The following GULP1 variants were observed in gnomAD, a reference collection of about 807,000 sequenced individuals.
The protein encoded by GULP1 is GULP PTB domain containing engulfment adaptor 1.
In GULP1, 19 loss-of-function variants were observed where a neutral mutation model predicts 40.9. The ratio of observed to expected loss-of-function variants is 0.46; its 90% CI spans 0.32 to 0.68. The LOEUF is 0.68. Among genes scored for constraint, GULP1 ranks in the 30% least tolerant of loss-of-function variants. The pLI is 0.03. For synonymous variants in GULP1, 119 were observed against 117.6 expected, an observed-to-expected ratio of 1.01 and a Z score of -0.08; for missense variants, 312 against 362.2, an observed-to-expected ratio of 0.86 and a Z score of 1.12.
At chr2:188,435,963 G>A (rs1485630493) in intron 2 of GULP1, among the ~76,000 whole-genome samples, 1 of 152,030 alleles carries the variant, frequency 6.6e-6, no homozygotes, top group Non-Finnish European at 1.5e-5. Context: ...CCAGGTCTAC[G>A]CATGTTAATT....
chr2:188,364,920 A>G (rs1013460166), intron 1 of GULP1, among the ~76,000 whole-genome samples: 14 of 143,090 alleles, frequency 9.8e-5, no homozygotes, highest in African/African-American at 3.7e-4. Context: ...ACACACACAT[A>G]TATATGTGTA....
At chr2:188,551,387 T>A (rs544955854) in intron 7 of GULP1, among the ~76,000 whole-genome samples, 4 of 151,772 alleles carry the variant, frequency 2.6e-5, no homozygotes, top group African/African-American at 9.7e-5. Context: ...TGTGATGAAA[T>A]ACTTTGCTTT....
At chr2:188,586,296 C>T (rs1006560084) in intron 10 of GULP1, among the ~76,000 whole-genome samples, 3 of 152,172 alleles carry the variant, frequency 2.0e-5, no homozygotes, top group Non-Finnish European at 4.4e-5. Flanking sequence ...CTTGTCATTT[C>T]GTTTACTAAA....
At chr2:188,584,166 G>T in intron 9 of GULP1, 99 bp from the exon 10 acceptor site, 1 of 810,542 alleles carries the variant, frequency 1.2e-6, no homozygotes, top group Non-Finnish European at 1.9e-6. Context: ...TGATGCAACT[G>T]AAATTGTTGT....
chr2:188,295,619 G>A (rs1432820994), intron 1 of GULP1, among the ~76,000 whole-genome samples: 1 of 151,992 alleles, frequency 6.6e-6, no homozygotes, highest in Non-Finnish European at 1.5e-5. Context: ...TCTTTTTCGG[G>A]TGAACAGATC....
intron 1 of GULP1, among the ~76,000 whole-genome samples, chr2:188,361,654 G>A (rs1409727954): frequency 6.6e-6 from 1 of 152,018 alleles, no homozygotes; most frequent in Non-Finnish European, 1.5e-5. Context: ...CCAAATTGAG[G>A]TAATTCTGTT....
chr2:188,356,070 T>C (rs1347171932), intron 1 of GULP1, among the ~76,000 whole-genome samples: 1 of 151,932 alleles, frequency 6.6e-6, no homozygotes, highest in African/African-American at 2.4e-5. Context: ...AAACTCACAA[T>C]CATATATGCC....
chr2:188,464,354 C>T (rs1007318475), intron 2 of GULP1, among the ~76,000 whole-genome samples: 1 of 152,166 alleles, frequency 6.6e-6, no homozygotes, highest in Non-Finnish European at 1.5e-5. Flanking sequence ...TACTTTCTCT[C>T]AAACAAAGTC....
intron 10 of GULP1, 83 bp downstream of exon 10, chr2:188,584,486 A>G: frequency 1.7e-6 from 1 of 604,964 alleles, no homozygotes; most frequent in Non-Finnish European, 2.7e-6. Flanking sequence ...GGGAAATTAC[A>G]TATCTTAACA....
rs535820997 is a variant in GULP1 at position 188,316,250 on chromosome 2, G to T, written c.-172+24084G>T. 3.9e-5 allele frequency among the ~76,000 whole-genome samples: 6 copies of T among 152,258 alleles called. No homozygotes were observed. The East Asian group carries it at 1.2e-3, about 29-fold the overall frequency. On this transcript the variant is annotated intron_variant, in intron 1 of 11. Coordinates refer to ENST00000409830, the MANE Select transcript of GULP1 (RefSeq NM_016315.4). ...ACTGACAAGTTTCATCCTGTGACAA[G>T]AAACTTCTAATATATTTGAAGAATT...
intron 2 of GULP1, among the ~76,000 whole-genome samples, chr2:188,474,024 C>T (rs940623281): frequency 6.6e-6 from 1 of 152,090 alleles, no homozygotes; most frequent in Non-Finnish European, 1.5e-5. Flanking sequence ...TTTTTCCTTT[C>T]AAGGCAAAGA....
chr2:188,305,692 G>A (rs2036942798), intron 1 of GULP1, among the ~76,000 whole-genome samples: 1 of 152,218 alleles, frequency 6.6e-6, no homozygotes, highest in Non-Finnish European at 1.5e-5. Context: ...TGTTTTGTCT[G>A]CATATTCCTT....
intron 2 of GULP1, among the ~76,000 whole-genome samples, chr2:188,420,730 G>A (rs1398653256): frequency 6.6e-6 from 1 of 152,150 alleles, no homozygotes; most frequent in African/African-American, 2.4e-5. Flanking sequence ...ATGCTGATTG[G>A]TTTATGGGTG....
At chr2:188,320,390 G>A (rs532604068) in intron 1 of GULP1, among the ~76,000 whole-genome samples, 1 of 152,264 alleles carries the variant, frequency 6.6e-6, no homozygotes, top group South Asian at 2.1e-4. Flanking sequence ...CAGTAGGTAT[G>A]TATTTGCTGC....
intron 2 of GULP1, among the ~76,000 whole-genome samples, chr2:188,476,118 A>T (rs2060988780): frequency 6.6e-6 from 1 of 152,160 alleles, no homozygotes; most frequent in Non-Finnish European, 1.5e-5. Flanking sequence ...ATGTTTCCAG[A>T]TGATGGGAGA....
At chr2:188,304,996 C>T (rs968659157) in intron 1 of GULP1, among the ~76,000 whole-genome samples, 1 of 152,024 alleles carries the variant, frequency 6.6e-6, no homozygotes, top group African/African-American at 2.4e-5. Flanking sequence ...TCAGATCTCA[C>T]AGGTTGAGGG....
chr2:188,349,016 T>C (rs750525174), intron 1 of GULP1, among the ~76,000 whole-genome samples: 4 of 152,244 alleles, frequency 2.6e-5, no homozygotes, highest in Non-Finnish European at 4.4e-5. Context: ...AGAAAACTCA[T>C]TCACATTTCA....
chr2:188,569,199 A>G (rs1274386109), intron 7 of GULP1, 40 bp from the exon 8 acceptor site: 5 of 986,340 alleles, frequency 5.1e-6, no homozygotes, highest in Admixed American at 1.7e-5. Context: ...ACAGTTTGAC[A>G]TATTATTAAA....
chr2:188,332,247 C>T (rs1012419677), intron 1 of GULP1, among the ~76,000 whole-genome samples: 3 of 140,778 alleles, frequency 2.1e-5, no homozygotes, highest in South Asian at 2.2e-4. Flanking sequence ...TGGAGTGCAG[C>T]GGCACAATCT....
Sources: allele counts gnomAD v4.1 joint callset (sites outside exome capture counted in the v4.1 genomes callset), GRCh38; gene constraint gnomAD v4.1.1; transcripts MANE v1.5; gene names NCBI Gene and HGNC (gene_info 2026-07-23, HGNC 2026-07-21).